ZFAND3: variants seen among roughly 807,000 people sequenced by gnomAD.
The protein encoded by ZFAND3 is AN1-type zinc finger protein 3.
A neutral mutation model predicts 29.6 loss-of-function variants in ZFAND3; 10 were observed. The observed-to-expected ratio is 0.34, with a 90% CI of 0.21 to 0.57. The LOEUF (loss-of-function observed/expected upper bound fraction) is 0.57, where lower values mean the gene tolerates loss of function less well. ZFAND3 is among the 20% of genes least tolerant of loss of function. ZFAND3 has a pLI of 0.86. For missense variants in ZFAND3, 230 were observed against 304.5 expected, an observed-to-expected ratio of 0.76 and a Z score of 1.82; for synonymous variants, 128 against 112.6, an observed-to-expected ratio of 1.14 and a Z score of -0.87.
chr6:37,846,717 TG>T (rs373886316), intron 1 of ZFAND3, among the ~76,000 whole-genome samples: 1 of 150,672 alleles, frequency 6.6e-6, no homozygotes, highest in African/African-American at 2.4e-5. Context: ...TTTTTTTTTT[TG>T]TTTTTTTTTT....
intron 4 of ZFAND3, among the ~76,000 whole-genome samples, chr6:38,088,990 C>T (rs1441285419): frequency 6.6e-6 from 1 of 151,364 alleles, no homozygotes; most frequent in Non-Finnish European, 1.5e-5. Flanking sequence ...TCCCTCCCTC[C>T]CTATTTTCGG....
chr6:37,972,781 A>G (rs1265905797), intron 2 of ZFAND3, among the ~76,000 whole-genome samples: 1 of 151,250 alleles, frequency 6.6e-6, no homozygotes, highest in Non-Finnish European at 1.5e-5. Context: ...GATAGATAAT[A>G]TTTGTCTTCA....
chr6:38,028,178 T>G (rs1252385471), intron 2 of ZFAND3, among the ~76,000 whole-genome samples: 4 of 152,226 alleles, frequency 2.6e-5, no homozygotes, highest in Non-Finnish European at 5.9e-5. Flanking sequence ...CTTTTCTCTG[T>G]TCTGTAGTTT....
intron 4 of ZFAND3, among the ~76,000 whole-genome samples, chr6:38,112,175 C>T (rs1406647402): frequency 1.3e-5 from 2 of 152,144 alleles, no homozygotes; most frequent in Admixed American, 6.5e-5. Flanking sequence ...TAAACATTGG[C>T]AGAGAAAGCA....
intron 2 of ZFAND3, among the ~76,000 whole-genome samples, chr6:38,024,651 G>A (rs1385659065): frequency 1.3e-5 from 2 of 152,148 alleles, no homozygotes; most frequent in African/African-American, 4.8e-5. Context: ...GATGATACAT[G>A]CTACAACATG....
chr6:38,067,280 A>G (rs1764365697), intron 3 of ZFAND3, among the ~76,000 whole-genome samples: 1 of 152,240 alleles, frequency 6.6e-6, no homozygotes, highest in Non-Finnish European at 1.5e-5. Context: ...GGACCCACAC[A>G]GTTCAAACTG....
intron 4 of ZFAND3, among the ~76,000 whole-genome samples, chr6:38,116,019 C>T (rs897198211): frequency 3.3e-5 from 5 of 152,254 alleles, no homozygotes; most frequent in East Asian, 3.9e-4. Context: ...AACCTGACTT[C>T]TGTGTCTTTA....
chr6:38,021,150 C>T (rs1022903562), intron 2 of ZFAND3, among the ~76,000 whole-genome samples: 2 of 152,172 alleles, frequency 1.3e-5, no homozygotes, highest in African/African-American at 4.8e-5. Context: ...GGGTAAGAAG[C>T]TCTCATTAAA....
At position 37,948,543 on chromosome 6, in the gene ZFAND3, G is replaced by A. The variant is rs142190116; in HGVS notation, c.112+18544G>A. Among the ~76,000 whole-genome samples, 632 of 152,216 alleles carry A rather than the reference G, an allele frequency of 4.2e-3. 4 individuals are homozygous for A. Among genetic ancestry groups the A allele is most frequent in the African/African-American group, 0.015 (607 of 41,540 alleles). On this transcript the variant is annotated intron_variant, in intron 2 of 5. Coordinates refer to ENST00000287218, the MANE Select transcript of ZFAND3 (RefSeq NM_021943.3). ...AAATTATGTGTCATGGGGGTTTGGC[G>A]TACAGATTAGTCACCCAGGTGATAA...
intron 2 of ZFAND3, among the ~76,000 whole-genome samples, chr6:37,977,859 CCTTCCTTCCTTTCCTT>C (rs1762512603): frequency 1.5e-5 from 2 of 134,198 alleles, no homozygotes; most frequent in African/African-American, 2.9e-5. Context: ...TTCCTTCCTT[CCTTCCTTCCTTTCCTT>C]CTTCCTTCCT....
At chr6:38,003,269 C>T (rs1762982298) in intron 2 of ZFAND3, 1 of 153,464 alleles carries the variant, frequency 6.5e-6, no homozygotes, top group Non-Finnish European at 1.5e-5. Context: ...CTAAATTGAT[C>T]TCATAAGTGT....
At chr6:37,917,726 A>G (rs1386150980) in intron 1 of ZFAND3, among the ~76,000 whole-genome samples, 1 of 152,218 alleles carries the variant, frequency 6.6e-6, no homozygotes, top group Non-Finnish European at 1.5e-5. Flanking sequence ...TGGACTGGGA[A>G]TAAGGAAAGC....
intron 1 of ZFAND3, among the ~76,000 whole-genome samples, chr6:37,889,564 A>G (rs1232666487): frequency 4.6e-5 from 7 of 152,304 alleles, no homozygotes; most frequent in South Asian, 4.1e-4. Context: ...GAATTTAATA[A>G]CTTGTTTCTT....
rs1212188256 is a variant in ZFAND3 at position 37,861,446 on chromosome 6, CATG to C, written c.71+41433_71+41435del. On this transcript the variant is annotated intron_variant, in intron 1 of 5. Coordinates refer to ENST00000287218, the MANE Select transcript of ZFAND3 (RefSeq NM_021943.3). ...CAGGCATTCCAGGCTGAGGGGACAA[CATG>C]ATAAAAAAGACGAGTAGGAAATTAG... is the stretch of plus-strand genomic sequence containing the variant. Among the ~76,000 whole-genome samples, 7 of 151,912 alleles carry C rather than the reference CATG, an allele frequency of 4.6e-5. No individual in the cohort carries two copies. In the East Asian group the frequency reaches 1.4e-3, roughly 29 times the overall value.
At chr6:37,977,828 T>TTTCCTTCCTTCCTTCCTTCC (rs375787038) in intron 2 of ZFAND3, among the ~76,000 whole-genome samples, 1,284 of 76,328 alleles carry the variant, frequency 0.017, 50 homozygotes, top group East Asian at 0.057. Context: ...GTAAAATGCT[T>TTTCCTTCCTTCCTTCCTTCC]TTCCTTCCTT....
At chr6:37,950,224 A>G (rs1761972476) in intron 2 of ZFAND3, among the ~76,000 whole-genome samples, 1 of 150,022 alleles carries the variant, frequency 6.7e-6, no homozygotes, top group South Asian at 2.1e-4. Context: ...CTGGGTTTTC[A>G]TAGTTTTAGG....
chr6:38,098,873 A>G (rs889224330), intron 4 of ZFAND3, among the ~76,000 whole-genome samples: 1 of 152,018 alleles, frequency 6.6e-6, no homozygotes, highest in African/African-American at 2.4e-5. Context: ...TGTCTTCAAT[A>G]CATATATATA....
intron 4 of ZFAND3, among the ~76,000 whole-genome samples, chr6:38,105,381 G>A (rs1196513651): frequency 6.6e-6 from 1 of 151,930 alleles, no homozygotes; most frequent in African/African-American, 2.4e-5. Context: ...CTCCAGCTCG[G>A]GTAACAGAGC....
chr6:38,063,744 G>A (rs1764288203), intron 3 of ZFAND3, among the ~76,000 whole-genome samples: 1 of 152,180 alleles, frequency 6.6e-6, no homozygotes, highest in Non-Finnish European at 1.5e-5. Context: ...AAGACATAGA[G>A]GCTAAATGTC....
Sources: allele counts gnomAD v4.1 joint callset (sites outside exome capture counted in the v4.1 genomes callset), GRCh38; gene constraint gnomAD v4.1.1; transcripts MANE v1.5; gene names NCBI Gene and HGNC (gene_info 2026-07-23, HGNC 2026-07-21).